Variants in NBN observed in about 807,000 individuals in gnomAD.
NBN encodes the protein nibrin.
In NBN, 88 loss-of-function variants were observed where a neutral mutation model predicts 90.8. The ratio of observed to expected loss-of-function variants is 0.97; its 90% CI spans 0.82 to 1.16. NBN has a LOEUF of 1.16. Among genes scored for constraint, NBN ranks in the 50% most tolerant of loss-of-function variants. The pLI is 0.00. For synonymous variants in NBN, 328 were observed against 295.1 expected (o/e 1.11, Z -1.14); for missense variants, 894 against 869.6 (o/e 1.03, Z -0.35).
Position 89,981,483 on chromosome 8 carries a change from T to TTC in NBN, c.211_212insGA (p.Asn71ArgfsTer22), listed in dbSNP as rs762664474. 1 of 1,613,466 alleles carries TTC rather than the reference T, an allele frequency of 6.2e-7. No homozygotes were observed. Among genetic ancestry groups the TTC allele is most frequent in the Non-Finnish European group, 8.5e-7 (1 of 1,179,556 alleles). ...ATTAACAAAGGTACCATACTTAGAA[T>TTC]TATCTTTTAATGTCAATACAGGGAT... On this transcript the variant is annotated frameshift_variant, in exon 3 of 16. Coordinates refer to ENST00000265433, the MANE Select transcript of NBN (RefSeq NM_002485.5). LOFTEE classifies it high-confidence loss of function.
rs138756437 is a variant in NBN, at chr8:89,970,612, A to G, written c.703-55T>C. 6.6e-6 allele frequency: 10 copies of G among 1,509,712 alleles called. No homozygotes were observed. The African/African-American group carries it at 6.9e-5, about 10-fold the overall frequency. 93.5% of individuals were successfully genotyped at this position (1,509,712 alleles called of 1,614,324 possible). ...TAAAATGTAGTAATTTTTTGAACAC[A>G]TAAGAATTTGATTTGGGAAACATAG... On this transcript the variant is annotated intron_variant, in intron 6 of 15. Coordinates refer to ENST00000265433, the MANE Select transcript of NBN (RefSeq NM_002485.5).
chr8:89,958,630 T>C, intron 9 of NBN, 95 bp downstream of exon 9: 1 of 1,414,512 alleles, frequency 7.1e-7, no homozygotes, highest in Admixed American at 1.7e-5. Context: ...GCTTTCTCTC[T>C]CAAGAGACAA....
At chr8:89,960,420 C>CA (rs1810936518) in intron 8 of NBN, among the ~76,000 whole-genome samples, 1 of 152,060 alleles carries the variant, frequency 6.6e-6, no homozygotes, top group South Asian at 2.1e-4. Context: ...GAGGATGAGG[C>CA]AAGAGGACTG....
intron 10 of NBN, among the ~76,000 whole-genome samples, chr8:89,954,632 A>C (rs1387106050): frequency 6.6e-6 from 1 of 152,140 alleles, no homozygotes; most frequent in Non-Finnish European, 1.5e-5. Context: ...GAAAAGAAGT[A>C]AAGTTTAAAG....
Position 89,982,504 on chromosome 8 carries a change from G to C in NBN, c.171+218C>G, listed in dbSNP as rs1812117001. The C allele has an allele frequency of 4.3e-5, 25 of 575,456 alleles. No homozygotes were observed. The South Asian group carries it at 5.0e-4, about 11-fold the overall frequency. The allele number at this position is 575,456 out of a possible 1,614,324, so 35.6% of individuals were successfully genotyped here. The stretch of plus-strand genomic sequence containing the variant: ...TCTGAGTTTCTAACTAAAACAAAGA[G>C]TAAATTACTGAAATAGAAACTTCAA... On this transcript the variant is annotated intron_variant, in intron 2 of 15. Coordinates refer to ENST00000265433, the MANE Select transcript of NBN (RefSeq NM_002485.5).
intron 14 of NBN, among the ~76,000 whole-genome samples, chr8:89,941,722 T>C (rs1809958321): frequency 6.6e-6 from 1 of 152,198 alleles, no homozygotes; most frequent in Admixed American, 6.5e-5. Context: ...ACATCTTCAT[T>C]CTTTGTGTAC....
intron 14 of NBN, among the ~76,000 whole-genome samples, chr8:89,939,592 A>C (rs1809847706): frequency 1.3e-5 from 2 of 152,220 alleles, no homozygotes; most frequent in South Asian, 4.1e-4. Context: ...TGCAGCTGTA[A>C]AAAGAACCAA....
chr8:89,948,479 G>T (rs1810300157), intron 11 of NBN, among the ~76,000 whole-genome samples: 1 of 152,174 alleles, frequency 6.6e-6, no homozygotes, highest in Non-Finnish European at 1.5e-5. Context: ...AGACTGCCTT[G>T]TATATTAGTC....
chr8:89,974,416 A>C (rs1811656864), intron 5 of NBN, among the ~76,000 whole-genome samples: 1 of 152,152 alleles, frequency 6.6e-6, no homozygotes, highest in African/African-American at 2.4e-5. Flanking sequence ...TAAGCTTCCT[A>C]AACTGTCAAA....
intron 14 of NBN, among the ~76,000 whole-genome samples, chr8:89,940,912 A>G (rs914321673): frequency 1.3e-5 from 2 of 152,196 alleles, no homozygotes; most frequent in African/African-American, 2.4e-5. Context: ...TCTGTGAAAT[A>G]AAGGTACTAT....
rs1347343951 is a variant in NBN at position 89,971,028 on chromosome 8, C to G, written c.702+145G>C. 4 of 797,136 alleles carry G rather than the reference C, an allele frequency of 5.0e-6. No individual in the cohort carries two copies. In the East Asian group the frequency reaches 1.1e-4, roughly 23 times the overall value. The allele number at this position is 797,136 out of a possible 1,614,324, so 49.4% of individuals were successfully genotyped here. On this transcript the variant is annotated intron_variant, in intron 6 of 15. Coordinates refer to ENST00000265433, the MANE Select transcript of NBN (RefSeq NM_002485.5). ...TCACAGCCATGATCACTGGGCAGGT[C>G]TGGTGCCTGGGGTTTTTTTATTCTA... is the stretch of plus-strand genomic sequence containing the variant.
intron 4 of NBN, 58 bp downstream of exon 4, chr8:89,980,676 G>A (rs1275289950): frequency 1.4e-6 from 2 of 1,451,402 alleles, no homozygotes; most frequent in Non-Finnish European, 1.9e-6. Context: ...TGTGTATAGT[G>A]GGTAAGCTTA....
At chr8:89,966,217 G>T (rs1811246149) in intron 7 of NBN, among the ~76,000 whole-genome samples, 1 of 152,080 alleles carries the variant, frequency 6.6e-6, no homozygotes, top group African/African-American at 2.4e-5. Context: ...AGTTGGTATG[G>T]AACAAAGAGA....
rs751492107 is a variant in NBN at position 89,984,577 on chromosome 8, G to A, written c.-16C>T. 2.2e-5 allele frequency: 36 copies of A among 1,612,578 alleles called. No individual in the cohort carries two copies. The highest frequency in any genetic ancestry group is 3.0e-5 in the Non-Finnish European group (35 of 1,179,688). On this transcript the variant is annotated 5_prime_UTR_variant, in exon 1 of 16. Coordinates refer to ENST00000265433, the MANE Select transcript of NBN (RefSeq NM_002485.5). ...GTTTCCACATCGGTCCGGCTCCTCA[G>A]GGCTGGGGCCGACGTGCAACCGCGT...
chr8:89,962,151 A>T (rs1344631882), intron 8 of NBN, among the ~76,000 whole-genome samples: 1 of 152,234 alleles, frequency 6.6e-6, no homozygotes, highest in African/African-American at 2.4e-5. Context: ...AGGAGCTTAA[A>T]AATCAAACAA....
At chr8:89,960,177 G>A (rs1810925766) in intron 8 of NBN, among the ~76,000 whole-genome samples, 1 of 152,186 alleles carries the variant, frequency 6.6e-6, no homozygotes, top group African/African-American at 2.4e-5. Flanking sequence ...TGTGACACAG[G>A]ATGTGCTTAA....
At chr8:89,958,602 G>C (rs1057419935) in intron 9 of NBN, 123 bp downstream of exon 9, 151 of 1,173,054 alleles carry the variant, frequency 1.3e-4, no homozygotes, top group Non-Finnish European at 1.7e-4. Flanking sequence ...CATTTTCCCT[G>C]GTATCCCATT....
rs2129698293 is a variant in NBN, at chr8:89,953,387, T to C, written c.1702A>G (p.Lys568Glu). The change falls in exon 11 of 16, where the codon AAG (lysine) becomes GAG (glutamate). Residue 568 changes from lysine (K) to glutamate (E), a missense_variant. Transcript: ENST00000265433. Reference sequence around the variant, plus strand: ...ATTTCTAACTCTGGTTTTGTGTCCTTGAATAACTGTTCCAATACTTCATCT... The same window carrying C: ...ATTTCTAACTCTGGTTTTGTGTCCTCGAATAACTGTTCCAATACTTCATCT... ...IEDEVLEQLF[K>E]DTKPELEIDV... 1 of 1,613,774 alleles carries C rather than the reference T, an allele frequency of 6.2e-7. No homozygotes were observed. The highest frequency in any genetic ancestry group is 8.5e-7 in the Non-Finnish European group (1 of 1,179,818).
intron 5 of NBN, 70 bp from the exon 6 acceptor site, chr8:89,971,360 A>C: frequency 6.7e-7 from 1 of 1,483,646 alleles, no homozygotes; most frequent in Admixed American, 1.8e-5. Context: ...AAACGGAGTG[A>C]CTATCTGACA....
Sources: allele counts gnomAD v4.1 joint callset (sites outside exome capture counted in the v4.1 genomes callset), GRCh38; gene constraint gnomAD v4.1.1; transcripts MANE v1.5; gene names NCBI Gene and HGNC (gene_info 2026-07-23, HGNC 2026-07-21).